The following TPST2 variants were observed in gnomAD, a reference collection of about 807,000 sequenced individuals.
TPST2 encodes the protein tyrosylprotein sulfotransferase 2.
In TPST2, 16 loss-of-function variants were observed where a neutral mutation model predicts 27.8. The observed-to-expected ratio is 0.58, with a 90% CI of 0.39 to 0.88. The LOEUF is 0.88. Ranked by LOEUF, TPST2 falls within the 40% of genes least tolerant of loss-of-function variation. The pLI, the probability that TPST2 is intolerant of heterozygous loss-of-function variation, is 0.00. For synonymous variants in TPST2, 229 were observed against 231.7 expected (o/e 0.99, Z 0.10); for missense variants, 464 against 543.1 (o/e 0.85, Z 1.45).
chr22:26,548,982 T>C (rs572129306), intron 1 of TPST2, among the ~76,000 whole-genome samples: 9 of 151,712 alleles, frequency 5.9e-5, no homozygotes, highest in African/African-American at 2.2e-4. Flanking sequence ...GAAAAAAAAA[T>C]CTGAAATCCA....
At chr22:26,588,199 TAA>T (rs34033548) in intron 1 of TPST2, among the ~76,000 whole-genome samples, 1 of 145,234 alleles carries the variant, frequency 6.9e-6, no homozygotes, top group African/African-American at 2.5e-5. Context: ...ACGAAGTACT[TAA>T]AAAAAAAAAA....
intron 1 of TPST2, among the ~76,000 whole-genome samples, chr22:26,561,989 C>A (rs1351039748): frequency 6.6e-6 from 1 of 152,210 alleles, no homozygotes; most frequent in Non-Finnish European, 1.5e-5. Context: ...CAGGCTACAC[C>A]CCGTGACATT....
At chr22:26,552,968 G>A (rs907733541) in intron 1 of TPST2, among the ~76,000 whole-genome samples, 2 of 149,280 alleles carry the variant, frequency 1.3e-5, no homozygotes, top group Non-Finnish European at 3.0e-5. Flanking sequence ...CCTGAGGCAG[G>A]AGAACTGCTT....
At chr22:26,546,776 G>C (rs1441526629) in intron 1 of TPST2, among the ~76,000 whole-genome samples, 1 of 152,228 alleles carries the variant, frequency 6.6e-6, no homozygotes, top group Non-Finnish European at 1.5e-5. Flanking sequence ...TGCACATTTA[G>C]GATGGGGTAG....
At chr22:26,576,294 G>A (rs1424175156) in intron 1 of TPST2, among the ~76,000 whole-genome samples, 2 of 143,144 alleles carry the variant, frequency 1.4e-5, no homozygotes. Context: ...GCTGGACTTT[G>A]AAAGTAACAT....
At chr22:26,536,041 C>A in intron 4 of TPST2, 1 of 664,102 alleles carries the variant, frequency 1.5e-6, no homozygotes, top group Non-Finnish European at 2.8e-6. Flanking sequence ...AATTAGTGTA[C>A]AAGCTGGCCT....
intron 3 of TPST2, among the ~76,000 whole-genome samples, chr22:26,536,975 G>A (rs1925506087): frequency 1.3e-5 from 2 of 152,100 alleles, no homozygotes; most frequent in Non-Finnish European, 2.9e-5. Context: ...GCTTGAGCCC[G>A]GGAGGTTGAA....
chr22:26,579,063 G>T (rs1302053856), intron 1 of TPST2, among the ~76,000 whole-genome samples: 2 of 152,078 alleles, frequency 1.3e-5, no homozygotes, highest in South Asian at 4.1e-4. Context: ...TGTTGCTCAG[G>T]CTGGTCTTGA....
chr22:26,549,867 TAAA>T (rs34355172), intron 1 of TPST2, among the ~76,000 whole-genome samples: 1 of 97,126 alleles, frequency 1.0e-5, no homozygotes. Context: ...CCCTCTCTAC[TAAA>T]AAAAAAAAAA....
intron 1 of TPST2, chr22:26,561,143 T>C: frequency 6.3e-7 from 1 of 1,594,314 alleles, no homozygotes; most frequent in Non-Finnish European, 8.5e-7. Context: ...AAGATGAAGA[T>C]GAAGAAGATG....
chr22:26,580,266 T>A (rs1024250594), intron 1 of TPST2, among the ~76,000 whole-genome samples: 8 of 151,682 alleles, frequency 5.3e-5, no homozygotes, highest in Non-Finnish European at 1.0e-4. Flanking sequence ...AATAAGAAAA[T>A]CACCAGACAG....
intron 1 of TPST2, among the ~76,000 whole-genome samples, chr22:26,575,635 C>T (rs1009929775): frequency 6.6e-5 from 10 of 152,328 alleles, no homozygotes; most frequent in Admixed American, 6.5e-4. Context: ...ATATTTGCTG[C>T]AGAAATGAGA....
intron 1 of TPST2, among the ~76,000 whole-genome samples, chr22:26,582,335 G>A (rs62224869): frequency 0.012 from 1,866 of 152,266 alleles, 22 homozygotes; most frequent in Non-Finnish European, 0.016. Context: ...GCTGGGGCAG[G>A]AGAATCGCTT....
At chr22:26,526,613 C>T (rs1007499401) in intron 6 of TPST2, among the ~76,000 whole-genome samples, 10 of 152,206 alleles carry the variant, frequency 6.6e-5, no homozygotes, top group African/African-American at 2.4e-4. Flanking sequence ...AGCTAAAGCA[C>T]CTCTATATGG....
At chr22:26,562,966 T>A (rs1927193111) in intron 1 of TPST2, among the ~76,000 whole-genome samples, 2 of 152,246 alleles carry the variant, frequency 1.3e-5, no homozygotes, top group South Asian at 4.1e-4. Flanking sequence ...CAATTAGGGA[T>A]CATCTCATGG....
At chr22:26,579,254 C>T (rs1602304483) in intron 1 of TPST2, among the ~76,000 whole-genome samples, 2 of 152,188 alleles carry the variant, frequency 1.3e-5, no homozygotes, top group Non-Finnish European at 2.9e-5. Context: ...CAAGGAATGA[C>T]CACGTAGCAG....
At position 26,524,780 on chromosome 22, in the gene TPST2, C is replaced by G. The variant is rs543676187; in HGVS notation, c.*1495G>C. The G allele has an allele frequency of 6.6e-6, 1 of 152,330 alleles. No individual in the cohort carries two copies. The highest frequency in any genetic ancestry group is 2.1e-4 in the South Asian group (1 of 4,826). 9.4% of individuals were successfully genotyped at this position (152,330 alleles called of 1,614,324 possible). A position where few individuals can be genotyped will look rare whatever the true frequency, so the allele number is the denominator to read the frequency against. On this transcript the variant is annotated 3_prime_UTR_variant, in exon 7 of 7. Transcript: ENST00000338754. ...TTGGGGACTGTGCTATAAGGGTTAA[C>G]TCAGCAGGCTTGAAGTGTCCAAACC...
At chr22:26,549,337 C>A (rs1408498903) in intron 1 of TPST2, among the ~76,000 whole-genome samples, 2 of 152,112 alleles carry the variant, frequency 1.3e-5, no homozygotes, top group Non-Finnish European at 2.9e-5. Context: ...AAGGTGCCAA[C>A]CCTAGCGTGG....
intron 1 of TPST2, among the ~76,000 whole-genome samples, chr22:26,557,927 G>A (rs1456885396): frequency 2.0e-5 from 3 of 150,504 alleles, no homozygotes; most frequent in Non-Finnish European, 3.0e-5. Flanking sequence ...TGCTCCTGTA[G>A]TCCCAACTAC....
Sources: allele counts gnomAD v4.1 joint callset (sites outside exome capture counted in the v4.1 genomes callset), GRCh38; gene constraint gnomAD v4.1.1; transcripts MANE v1.5; gene names NCBI Gene and HGNC (gene_info 2026-07-23, HGNC 2026-07-21).